Variants in FAN1 observed in about 807,000 individuals in gnomAD.
The protein encoded by FAN1 is fanconi-associated nuclease 1.
FAN1 carries 91 observed loss-of-function variants against 104.9 expected under a neutral mutation model. The ratio of observed to expected loss-of-function variants is 0.87; its 90% CI spans 0.73 to 1.03. The LOEUF (loss-of-function observed/expected upper bound fraction) is 1.03, where lower values mean the gene tolerates loss of function less well. FAN1 is among the 50% of genes least tolerant of loss of function. The probability of loss-of-function intolerance (pLI) is 0.00; values close to 1 mark genes in which losing one functional copy is unlikely to be tolerated. For synonymous variants in FAN1, 478 were observed against 457.6 expected (o/e 1.04, Z -0.57); for missense variants, 1,263 against 1,239.9 (o/e 1.02, Z -0.28).
chr15:30,926,721 G>A (rs2062472580), intron 10 of FAN1: 1 of 985,472 alleles, frequency 1.0e-6, no homozygotes, highest in South Asian at 4.7e-5. Context: ...GGCCCCGAGA[G>A]ACGTGGAAAC....
intron 14 of FAN1, 83 bp from the exon 15 acceptor site, chr15:30,941,483 G>A (rs1566942006): frequency 1.2e-6 from 2 of 1,605,862 alleles, no homozygotes; most frequent in African/African-American, 1.3e-5. Flanking sequence ...GTCTTCATTT[G>A]CTAATGTCTC....
At chr15:30,906,334 C>T in intron 2 of FAN1, 2 of 458,974 alleles carry the variant, frequency 4.4e-6, no homozygotes, top group Non-Finnish European at 8.7e-6. Context: ...AACAAACCAA[C>T]CTGAGGCATA....
At position 30,942,819 on chromosome 15, in the gene FAN1, GCT is replaced by G. The variant is rs2063098050; in HGVS notation, c.*1262_*1263del. 3.5e-6 allele frequency: 5 copies of G among 1,411,462 alleles called. No homozygotes were observed. The East Asian group carries it at 1.3e-4, about 36-fold the overall frequency. 87.4% of individuals were successfully genotyped at this position (1,411,462 alleles called of 1,614,324 possible). ...TCTTGGAAGTGCCTTTACTTTTAAC[GCT>G]CTCTGTTCTGAAAAAGAGGTGTTTG... On this transcript the variant is annotated 3_prime_UTR_variant, in exon 15 of 15. Transcript: ENST00000362065.
intron 6 of FAN1, 120 bp from the exon 7 acceptor site, chr15:30,920,425 A>C: frequency 1.4e-6 from 1 of 692,422 alleles, no homozygotes; most frequent in Non-Finnish European, 2.5e-6. Flanking sequence ...TACACAACTG[A>C]AAGTATTTAG....
chr15:30,928,889 G>A (rs1302894735), intron 11 of FAN1: 16 of 695,274 alleles, frequency 2.3e-5, no homozygotes, highest in Non-Finnish European at 2.1e-5. Context: ...TAGACCTTTC[G>A]TATAAAGTAC....
chr15:30,905,592 C>G lies in FAN1; in HGVS notation c.929C>G (p.Ser310Ter), dbSNP rs201220536. 7.9e-5 allele frequency: 128 copies of G among 1,613,934 alleles called. No individual in the cohort carries two copies. The highest frequency in any genetic ancestry group is 7.9e-5 in the Non-Finnish European group (93 of 1,179,908). The change falls in exon 2 of 15, where the codon TCA (serine) becomes TGA (stop). Residue 310 changes from serine (S) to a stop codon, truncating the protein, a stop_gained. Transcript: ENST00000362065. LOFTEE classifies it high-confidence loss of function. ...HCEEVKMTVASEAKIQLSDSE... is the reference protein window; with the variant it reads ...HCEEVKMTVA Reference sequence around the variant, plus strand: ...GAAGAAGTAAAAATGACTGTTGCTTCAGAAGCTAAAATACAGCTGTCAGAT... The same window carrying G: ...GAAGAAGTAAAAATGACTGTTGCTTGAGAAGCTAAAATACAGCTGTCAGAT...
At chr15:30,938,616 T>C (rs1013233336) in intron 14 of FAN1, among the ~76,000 whole-genome samples, 1 of 152,172 alleles carries the variant, frequency 6.6e-6, no homozygotes, top group Non-Finnish European at 1.5e-5. Context: ...GATTTATCCA[T>C]GCGCCAGGCC....
At chr15:30,917,983 T>C (rs1437875074) in intron 5 of FAN1, among the ~76,000 whole-genome samples, 181 bp from the exon 6 acceptor site, 3 of 152,216 alleles carry the variant, frequency 2.0e-5, no homozygotes, top group Non-Finnish European at 4.4e-5. Flanking sequence ...GGCTTTCTTA[T>C]CAGTTCTGGG....
At chr15:30,929,444 G>T (rs112159557) in intron 12 of FAN1, 47 bp downstream of exon 12, 2 of 1,465,364 alleles carry the variant, frequency 1.4e-6, no homozygotes, top group East Asian at 2.4e-5. Context: ...AGTTAACACC[G>T]CCCCAGTGCT....
intron 13 of FAN1, among the ~76,000 whole-genome samples, chr15:30,931,529 G>A (rs778480786): frequency 9.9e-5 from 15 of 152,174 alleles, no homozygotes; most frequent in Non-Finnish European, 1.9e-4. Context: ...TTTCTCCTTT[G>A]TTTTCTTCTA....
In FAN1 at chr15:30,905,819, G is replaced by C; in HGVS notation, c.1156G>C (p.Val386Leu). The C allele has an allele frequency of 6.2e-7, 1 of 1,614,096 alleles. No individual in the cohort carries two copies. The highest frequency in any genetic ancestry group is 8.5e-7 in the Non-Finnish European group (1 of 1,179,934). ...LRSFLVVLKT[V>L]LENEDDMLLF... Reference sequence around the variant, plus strand: ...GAGTTTCCTTGTGGTGCTGAAAACCGTACTTGAGAATGAAGATGATATGTT... The same window carrying C: ...GAGTTTCCTTGTGGTGCTGAAAACCCTACTTGAGAATGAAGATGATATGTT... Residue 386 changes from valine (V) to leucine (L), a missense_variant, in exon 2 of 15, where the codon GTA (valine) becomes CTA (leucine). Around this residue, in one of 2 missense-constraint regions of FAN1, gnomAD observed 682 missense variants for 571.1 expected, o/e 1.19. Coordinates refer to ENST00000362065, the MANE Select transcript of FAN1 (RefSeq NM_014967.5).
rs190608427 is a variant in FAN1, at chr15:30,941,079, A to G, written c.*4-487A>G. 7.1e-5 allele frequency: 86 copies of G among 1,209,844 alleles called. No homozygotes were observed. In the Middle Eastern group the frequency reaches 9.2e-4, roughly 13 times the overall value. The allele number at this position is 1,209,844 out of a possible 1,614,324, so 74.9% of individuals were successfully genotyped here. A position where few individuals can be genotyped will look rare whatever the true frequency, so the allele number is the denominator to read the frequency against. On this transcript the variant is annotated intron_variant, in intron 14 of 14. Transcript: ENST00000362065. ...TAAAACCTGCTGGAGGTTTTATCAG[A>G]TGCTCCTAAAAATGACACGAAACAC... is the stretch of plus-strand genomic sequence containing the variant.
In FAN1 at chr15:30,925,935, C is replaced by T; in HGVS notation, c.2484C>T (p.Asp828=). ...ALAHYRRSGF[D]QGIHGEGSTF... is the part of the protein sequence containing the mutation. Reference sequence around the variant, plus strand: ...CCCATTACAGACGCAGCGGTTTTGACCAGGGTAACTGAGCAGGCTTTCTCT... The same window carrying T: ...CCCATTACAGACGCAGCGGTTTTGATCAGGGTAACTGAGCAGGCTTTCTCT... Residue 828 remains aspartate, a synonymous_variant, in exon 10 of 15, where the codon GAC becomes GAT. Coordinates refer to ENST00000362065, the MANE Select transcript of FAN1 (RefSeq NM_014967.5). 1 of 1,614,104 alleles carries T rather than the reference C, an allele frequency of 6.2e-7. No homozygotes were observed. Among genetic ancestry groups the T allele is most frequent in the Non-Finnish European group, 8.5e-7 (1 of 1,179,976 alleles).
intron 4 of FAN1, among the ~76,000 whole-genome samples, chr15:30,912,560 A>G (rs1298966511): frequency 6.6e-6 from 1 of 152,034 alleles, no homozygotes; most frequent in Non-Finnish European, 1.5e-5. Flanking sequence ...TGTGATAGGA[A>G]TCCCACCCCT....
At chr15:30,927,666 T>TG in intron 10 of FAN1, 1 of 985,546 alleles carries the variant, frequency 1.0e-6, no homozygotes, top group Non-Finnish European at 1.2e-6. Flanking sequence ...CATGTCAGGA[T>TG]GGGGGTCTGG....
chr15:30,940,948 A>G (rs1214278577), intron 14 of FAN1: 35 of 1,090,794 alleles, frequency 3.2e-5, no homozygotes, highest in Non-Finnish European at 3.8e-5. Flanking sequence ...GGTTCCAAAG[A>G]AGGTGATCTA....
intron 14 of FAN1, among the ~76,000 whole-genome samples, chr15:30,938,406 G>T (rs761330524): frequency 6.6e-6 from 1 of 152,112 alleles, no homozygotes; most frequent in African/African-American, 2.4e-5. Flanking sequence ...ACATGTAAAT[G>T]CTTGTTCTAC....
intron 4 of FAN1, among the ~76,000 whole-genome samples, chr15:30,913,315 C>T (rs541143589): frequency 2.6e-4 from 39 of 152,264 alleles, no homozygotes; most frequent in Admixed American, 2.5e-3. Flanking sequence ...CCTCCCTCAA[C>T]CCCAGTCCAT....
In FAN1 at chr15:30,943,046, T is replaced by C. The variant is rs1566944811; in HGVS notation, c.*1484T>C. 5 of 1,537,740 alleles carry C rather than the reference T, an allele frequency of 3.3e-6. No homozygotes were observed. Among genetic ancestry groups the C allele is most frequent in the Non-Finnish European group, 3.5e-6 (4 of 1,143,386 alleles). Reference sequence around the variant, plus strand: ...ATTTTAAGCCCTTCTCATCACCCAATTGGATGTTTTTGCTTATAGCAAATT... The same window carrying C: ...ATTTTAAGCCCTTCTCATCACCCAACTGGATGTTTTTGCTTATAGCAAATT... On this transcript the variant is annotated 3_prime_UTR_variant, in exon 15 of 15. Coordinates refer to ENST00000362065, the MANE Select transcript of FAN1 (RefSeq NM_014967.5).
Sources: gnomAD v4.1 joint callset for allele counts (sites outside exome capture counted in the v4.1 genomes callset) on GRCh38, gnomAD v4.1.1 for gene constraint, gnomAD v4.1.1 regional missense constraint, MANE v1.5 for transcripts, NCBI Gene and HGNC (gene_info 2026-07-23, HGNC 2026-07-21) for gene names.